MRPL13: variants seen among roughly 807,000 people sequenced by gnomAD.
The protein encoded by MRPL13 is mitochondrial ribosomal protein L13, also known as large ribosomal subunit protein uL13m.
Under a neutral mutation model 29.0 loss-of-function variants are expected in MRPL13, and 33 were observed. That is an observed-to-expected ratio of 1.14 (90% CI 0.86 to 1.52). MRPL13 has a LOEUF of 1.52. Among genes scored for constraint, MRPL13 ranks in the 40% most tolerant of loss-of-function variants. The pLI, the probability that MRPL13 is intolerant of heterozygous loss-of-function variation, is 0.00. For synonymous variants in MRPL13, 77 were observed against 68.4 expected (o/e 1.13, Z -0.62); for missense variants, 227 against 216.7 (o/e 1.05, Z -0.30).
rs768495585 is a variant in MRPL13 at position 120,443,208 on chromosome 8, T to G, written c.128A>C (p.His43Pro). 8 of 1,607,722 alleles carry G rather than the reference T, an allele frequency of 5.0e-6. No homozygotes were observed. In the South Asian group the frequency reaches 7.8e-5, roughly 16 times the overall value. ...AMASIRLQGL[H>P]KPVYHALSDC... ...ACTCAGTGCATGGTACACAGGTTTA[T>G]GTAATCCCTGAAGTCTTATAGATGC... The change falls in exon 2 of 7, where the codon CAT becomes CCT. Residue 43 changes from histidine (H) to proline (P), a missense_variant. Physicochemically the swap from His to Pro is moderately conservative, Grantham distance 77 (BLOSUM62 -2). Coordinates refer to ENST00000306185, the MANE Select transcript of MRPL13 (RefSeq NM_014078.6).
In MRPL13 at chr8:120,443,317, G is replaced by GAAA. The variant is rs763415233; in HGVS notation, c.28-10_28-9insTTT. On this transcript the variant is annotated splice_polypyrimidine_tract_variant and intron_variant, in intron 1 of 6. Coordinates refer to ENST00000306185, the MANE Select transcript of MRPL13 (RefSeq NM_014078.6). ...GCAAAAGTGGCCCATTGCTTGGGGG[G>GAAA]GAAAAAAAAAAAAAAGAAGAGGAAA... 4 of 1,416,028 alleles carry GAAA rather than the reference G, an allele frequency of 2.8e-6. No homozygotes were observed. Among genetic ancestry groups the GAAA allele is most frequent in the Admixed American group, 2.9e-5 (1 of 34,996 alleles). 87.7% of individuals were successfully genotyped at this position (1,416,028 alleles called of 1,614,324 possible).
intron 6 of MRPL13, among the ~76,000 whole-genome samples, chr8:120,412,568 C>T (rs1412173372): frequency 1.3e-5 from 2 of 152,134 alleles, no homozygotes; most frequent in East Asian, 3.9e-4. Flanking sequence ...ACTATAGAGG[C>T]AAGATTTGAA....
intron 3 of MRPL13, among the ~76,000 whole-genome samples, chr8:120,426,544 G>C (rs143388740): frequency 6.6e-6 from 1 of 152,202 alleles, no homozygotes; most frequent in Admixed American, 6.5e-5. Context: ...GATCTTTCTA[G>C]TTTGAAAATT....
chr8:120,428,867 G>T (rs1812963896), intron 3 of MRPL13, among the ~76,000 whole-genome samples: 2 of 151,278 alleles, frequency 1.3e-5, no homozygotes, highest in South Asian at 4.2e-4. Context: ...AAAAAGGAAT[G>T]CTTTTACACT....
At chr8:120,421,210 T>C (rs549906601) in intron 4 of MRPL13, among the ~76,000 whole-genome samples, 145 of 151,734 alleles carry the variant, frequency 9.6e-4, no homozygotes, top group African/African-American at 3.3e-3. Flanking sequence ...AAAAATCAAA[T>C]AGAGGAACCA....
At chr8:120,423,640 A>G (rs1812898825) in intron 4 of MRPL13, among the ~76,000 whole-genome samples, 1 of 152,138 alleles carries the variant, frequency 6.6e-6, no homozygotes, top group Admixed American at 6.6e-5. Flanking sequence ...ACATATAGCA[A>G]AACTATCTTT....
chr8:120,402,506 T>C (rs1169767379), intron 6 of MRPL13, among the ~76,000 whole-genome samples: 1 of 152,148 alleles, frequency 6.6e-6, no homozygotes, highest in Non-Finnish European at 1.5e-5. Flanking sequence ...TAACTCAAGG[T>C]GAATTAAAGA....
chr8:120,427,396 C>T (rs779520606), intron 3 of MRPL13, among the ~76,000 whole-genome samples: 23 of 152,044 alleles, frequency 1.5e-4, no homozygotes, highest in Non-Finnish European at 2.6e-4. Context: ...GATATCAAAA[C>T]ACATTACACT....
chr8:120,423,635 T>C (rs1021611247), intron 4 of MRPL13, among the ~76,000 whole-genome samples: 4 of 152,072 alleles, frequency 2.6e-5, no homozygotes, highest in Admixed American at 6.6e-5. Flanking sequence ...ATTCCACATA[T>C]AGCAAAACTA....
intron 6 of MRPL13, among the ~76,000 whole-genome samples, chr8:120,410,027 C>T (rs1042521709): frequency 6.6e-5 from 10 of 152,130 alleles, no homozygotes; most frequent in African/African-American, 2.4e-4. Context: ...TGTTAATCAT[C>T]TACTGGGTTC....
At chr8:120,415,025 T>A (rs180676673) in intron 5 of MRPL13, 1 of 152,084 alleles carries the variant, frequency 6.6e-6, no homozygotes, top group East Asian at 1.9e-4. Flanking sequence ...CACTAAAGAG[T>A]AAAGCACATA....
At chr8:120,431,506 A>G (rs540605890) in intron 3 of MRPL13, among the ~76,000 whole-genome samples, 1 of 152,324 alleles carries the variant, frequency 6.6e-6, no homozygotes, top group East Asian at 1.9e-4. Context: ...AAACTCAAAT[A>G]CAGAAATACT....
rs976142033 is a variant in MRPL13 at position 120,395,793 on chromosome 8, C to T, written c.*311G>A. The T allele has an allele frequency of 4.6e-6, 1 of 217,452 alleles. No individual in the cohort carries two copies. The highest frequency in any genetic ancestry group is 2.3e-5 in the African/African-American group (1 of 43,740). The allele number at this position is 217,452 out of a possible 1,614,324, so 13.5% of individuals were successfully genotyped here. A position where few individuals can be genotyped will look rare whatever the true frequency, so the allele number is the denominator to read the frequency against. ...GGAGAGGCATTTTTGGAATGTGTAA[C>T]TGCAATTCTATACACAGGGTCTGTT... On this transcript the variant is annotated 3_prime_UTR_variant, in exon 7 of 7. Coordinates refer to ENST00000306185, the MANE Select transcript of MRPL13 (RefSeq NM_014078.6).
At chr8:120,422,714 A>T (rs1180728407) in intron 4 of MRPL13, among the ~76,000 whole-genome samples, 1 of 150,524 alleles carries the variant, frequency 6.6e-6, no homozygotes, top group African/African-American at 2.4e-5. Context: ...TTAAAGTATG[A>T]AACAAAGCTG....
intron 6 of MRPL13, among the ~76,000 whole-genome samples, chr8:120,409,533 GAAGAA>G (rs1812717764): frequency 6.6e-6 from 1 of 151,780 alleles, no homozygotes; most frequent in Non-Finnish European, 1.5e-5. Flanking sequence ...ACAGAATTGT[GAAGAA>G]AAGATAGTGC....
chr8:120,429,277 T>C (rs1812970272), intron 3 of MRPL13, among the ~76,000 whole-genome samples: 1 of 152,032 alleles, frequency 6.6e-6, no homozygotes, highest in African/African-American at 2.4e-5. Flanking sequence ...TATTCTCACT[T>C]ATAAGTGGAA....
intron 4 of MRPL13, among the ~76,000 whole-genome samples, chr8:120,421,514 T>C (rs1474544349): frequency 6.6e-6 from 1 of 151,894 alleles, no homozygotes; most frequent in African/African-American, 2.4e-5. Context: ...GCAAATTATG[T>C]CTACTGGCAG....
chr8:120,424,937 T>C (rs1470239928), intron 4 of MRPL13, among the ~76,000 whole-genome samples: 2 of 151,930 alleles, frequency 1.3e-5, no homozygotes, highest in Non-Finnish European at 2.9e-5. Flanking sequence ...ACAAAAAAGT[T>C]AGAATATAAG....
chr8:120,422,390 G>GA (rs1303881031), intron 4 of MRPL13, among the ~76,000 whole-genome samples: 2 of 151,184 alleles, frequency 1.3e-5, no homozygotes, highest in Non-Finnish European at 3.0e-5. Flanking sequence ...ATAGCTAAAA[G>GA]AAAAAACAAC....
Sources: allele counts gnomAD v4.1 joint callset (sites outside exome capture counted in the v4.1 genomes callset), GRCh38; gene constraint gnomAD v4.1.1; transcripts MANE v1.5; gene names NCBI Gene and HGNC (gene_info 2026-07-23, HGNC 2026-07-21).